Variants in DNAI2 observed in about 807,000 individuals in gnomAD.
DNAI2 encodes the protein dynein, axonemal, intermediate polypeptide 2.
DNAI2 carries 63 observed loss-of-function variants against 74.7 expected under a neutral mutation model. The ratio of observed to expected loss-of-function variants is 0.84; its 90% CI spans 0.69 to 1.04. DNAI2 has a LOEUF of 1.04. Among genes scored for constraint, DNAI2 ranks in the 50% least tolerant of loss-of-function variants. DNAI2 has a pLI of 0.00. For missense variants in DNAI2, 688 were observed against 803.2 expected, an observed-to-expected ratio of 0.86 and a Z score of 1.73; for synonymous variants, 289 against 314.9, an observed-to-expected ratio of 0.92 and a Z score of 0.87.
intron 6 of DNAI2, among the ~76,000 whole-genome samples, chr17:74,296,919 A>C (rs528337518): frequency 2.6e-5 from 4 of 152,286 alleles, no homozygotes; most frequent in African/African-American, 9.6e-5. Context: ...GTTTTTCTTG[A>C]ATAAACATTC....
chr17:74,276,182 T>A (rs1448942023), intron 1 of DNAI2, among the ~76,000 whole-genome samples: 1 of 152,168 alleles, frequency 6.6e-6, no homozygotes, highest in Non-Finnish European at 1.5e-5. Flanking sequence ...CAGGAATTAC[T>A]TTGCTCATTC....
Position 74,307,270 on chromosome 17 carries a change from C to T in DNAI2, c.1211+1828C>T, listed in dbSNP as rs781679398. On this transcript the variant is annotated intron_variant, in intron 9 of 13. Coordinates refer to ENST00000311014, the MANE Select transcript of DNAI2 (RefSeq NM_023036.6). ...TCGAGCACAGCACCCATAGGCCTTT[C>T]GCAGGGCTGGTTCCTAGAGGGACTT... 5.5e-5 allele frequency: 25 copies of T among 456,294 alleles called. 1 individual carries two copies. Among genetic ancestry groups the T allele is most frequent in the Admixed American group, 1.9e-4 (8 of 42,584 alleles). The allele number at this position is 456,294 out of a possible 1,614,324, so 28.3% of individuals were successfully genotyped here. A position where few individuals can be genotyped will look rare whatever the true frequency, so the allele number is the denominator to read the frequency against.
chr17:74,281,195 A>C (rs2051370469), intron 1 of DNAI2, among the ~76,000 whole-genome samples: 1 of 152,058 alleles, frequency 6.6e-6, no homozygotes, highest in Non-Finnish European at 1.5e-5. Context: ...CATTAGCTAT[A>C]GGACCTTGGG....
intron 6 of DNAI2, among the ~76,000 whole-genome samples, chr17:74,291,718 C>T (rs1056556709): frequency 2.6e-5 from 4 of 152,088 alleles, no homozygotes; most frequent in African/African-American, 9.7e-5. Flanking sequence ...GACTAGGGGC[C>T]GCCATAAAGG....
chr17:74,276,395 A>G (rs2051084714), intron 1 of DNAI2, among the ~76,000 whole-genome samples: 1 of 152,086 alleles, frequency 6.6e-6, no homozygotes, highest in Admixed American at 6.5e-5. Flanking sequence ...TCTCCCCCCA[A>G]AACTCCAGAG....
Position 74,309,393 on chromosome 17 carries a change from C to T in DNAI2, c.1347+5C>T, listed in dbSNP as rs557716808. Reference sequence around the variant, plus strand: ...GATCCCACCCTCAGCTTGAAGGTCACGCGCATGTCCCTCCTTGTGCATCCA... The same window carrying T: ...GATCCCACCCTCAGCTTGAAGGTCATGCGCATGTCCCTCCTTGTGCATCCA... On this transcript the variant is annotated splice_donor_5th_base_variant and intron_variant, in intron 10 of 13. Transcript: ENST00000311014. 1.1e-5 allele frequency: 18 copies of T among 1,614,142 alleles called. No individual in the cohort carries two copies. The Admixed American group carries it at 1.3e-4, about 12-fold the overall frequency.
At chr17:74,282,990 T>G (rs961146231) in intron 2 of DNAI2, among the ~76,000 whole-genome samples, 1 of 152,244 alleles carries the variant, frequency 6.6e-6, no homozygotes, top group Non-Finnish European at 1.5e-5. Flanking sequence ...GAATGGCCGC[T>G]ATGTGGGCCA....
At chr17:74,279,284 A>G (rs2051262425) in intron 1 of DNAI2, among the ~76,000 whole-genome samples, 1 of 152,186 alleles carries the variant, frequency 6.6e-6, no homozygotes, top group East Asian at 1.9e-4. Context: ...CAGGGTGACT[A>G]TAGTCAAAAT....
At chr17:74,304,179 CTTTTTT>C (rs1567868480) in intron 8 of DNAI2, among the ~76,000 whole-genome samples, 19 of 101,970 alleles carry the variant, frequency 1.9e-4, no homozygotes, top group African/African-American at 6.0e-4. Context: ...TTTTCTTTTT[CTTTTTT>C]CTTTTTTTTT....
chr17:74,304,013 G>A (rs982670774), intron 8 of DNAI2, among the ~76,000 whole-genome samples: 8 of 151,468 alleles, frequency 5.3e-5, no homozygotes, highest in African/African-American at 1.7e-4. Context: ...TGGTCCCTAC[G>A]TGGGAGGCTG....
At chr17:74,312,315 TG>T (rs1481080974) in intron 12 of DNAI2, 85 bp downstream of exon 12, 1 of 1,107,948 alleles carries the variant, frequency 9.0e-7, no homozygotes, top group Non-Finnish European at 1.3e-6. Flanking sequence ...GCCGACTTCC[TG>T]GGTGACCTTG....
chr17:74,309,229 C>A, intron 9 of DNAI2, 24 bp from the exon 10 acceptor site: 1 of 1,613,732 alleles, frequency 6.2e-7, no homozygotes, highest in Non-Finnish European at 8.5e-7. Flanking sequence ...TCCCTCCAAC[C>A]ATGATGTGGT....
At position 74,305,225 on chromosome 17, in the gene DNAI2, A is replaced by G. The variant is rs141472171; in HGVS notation, c.994A>G (p.Lys332Glu). ...TGTGTCACTCCTTCCACAGCCCACC[A>G]AGTTCATGGTGGGGACCGAGCAGGG... is the stretch of plus-strand genomic sequence containing the variant. ...SLEFESTLPTKFMVGTEQGIV... is the reference protein window; with the variant it reads ...SLEFESTLPTEFMVGTEQGIV... Residue 332 changes from lysine to glutamate, a missense_variant, in exon 9 of 14, where the codon AAG becomes GAG. Coordinates refer to ENST00000311014, the MANE Select transcript of DNAI2 (RefSeq NM_023036.6). The G allele has an allele frequency of 1.9e-6, 3 of 1,614,038 alleles. No homozygotes were observed. Among genetic ancestry groups the G allele is most frequent in the Non-Finnish European group, 2.5e-6 (3 of 1,180,010 alleles).
intron 4 of DNAI2, among the ~76,000 whole-genome samples, chr17:74,288,813 G>A (rs1355277301): frequency 6.6e-6 from 1 of 152,130 alleles, no homozygotes; most frequent in Non-Finnish European, 1.5e-5. Context: ...AAAAAGCAAG[G>A]CCGTCCAATC....
chr17:74,275,299 TGGG>T (rs1160992011), intron 1 of DNAI2, among the ~76,000 whole-genome samples: 2 of 152,112 alleles, frequency 1.3e-5, no homozygotes, highest in African/African-American at 4.8e-5. Flanking sequence ...TCACTTTCCT[TGGG>T]GGGCTCAGCC....
At chr17:74,285,682 G>A (rs549467476) in intron 3 of DNAI2, among the ~76,000 whole-genome samples, 1 of 152,208 alleles carries the variant, frequency 6.6e-6, no homozygotes, top group African/African-American at 2.4e-5. Flanking sequence ...CAAAGAGATT[G>A]CAGTCCATTG....
At chr17:74,275,873 G>C (rs1172443738) in intron 1 of DNAI2, among the ~76,000 whole-genome samples, 1 of 152,152 alleles carries the variant, frequency 6.6e-6, no homozygotes, top group Non-Finnish European at 1.5e-5. Flanking sequence ...CTGGGTGACA[G>C]AGCAACACTG....
chr17:74,284,896 C>A, intron 2 of DNAI2, 144 bp from the exon 3 acceptor site: 2 of 1,042,604 alleles, frequency 1.9e-6, no homozygotes, highest in Non-Finnish European at 2.9e-6. Flanking sequence ...AATTTCCTTG[C>A]CTGCATTTGA....
intron 9 of DNAI2, among the ~76,000 whole-genome samples, chr17:74,308,682 C>T (rs888706590): frequency 1.4e-4 from 21 of 152,218 alleles, no homozygotes; most frequent in Admixed American, 1.1e-3. Context: ...CCACCACACC[C>T]GGCTAATTTT....
Sources: gnomAD v4.1 joint callset for allele counts (sites outside exome capture counted in the v4.1 genomes callset) on GRCh38, gnomAD v4.1.1 for gene constraint, MANE v1.5 for transcripts, NCBI Gene and HGNC (gene_info 2026-07-23, HGNC 2026-07-21) for gene names.